The following EXOC6B variants were observed in gnomAD, a reference collection of about 807,000 sequenced individuals.
The protein encoded by EXOC6B is exocyst complex component 6B.
Under a neutral mutation model 113.5 loss-of-function variants are expected in EXOC6B, and 54 were observed. The ratio of observed to expected loss-of-function variants is 0.48; its 90% CI spans 0.38 to 0.60. The LOEUF is 0.60. Among genes scored for constraint, EXOC6B ranks in the 20% least tolerant of loss-of-function variants. The pLI is 0.00. For synonymous variants in EXOC6B, 357 were observed against 339.0 expected (o/e 1.05, Z -0.58); for missense variants, 797 against 977.5 (o/e 0.82, Z 2.46).
rs79015248 is a variant in EXOC6B at position 72,400,140 on chromosome 2, C to T, written c.1981-20270G>A. 4.8e-3 allele frequency among the ~76,000 whole-genome samples: 726 copies of T among 152,196 alleles called. 13 individuals carry two copies. Among genetic ancestry groups the T allele is most frequent in the Admixed American group, 0.039 (594 of 15,284 alleles). On this transcript the variant is annotated intron_variant, in intron 18 of 21. Transcript: ENST00000272427. ...CAGAAATAAAGTCACATATCTATAA[C>T]CAACTGATCTTCAACAAACTCAACA...
intron 18 of EXOC6B, chr2:72,463,005 G>C (rs1318377339): frequency 3.9e-5 from 6 of 152,032 alleles, no homozygotes; most frequent in Non-Finnish European, 7.4e-5. Flanking sequence ...CAAGAATGTA[G>C]CCTGGATGTA....
chr2:72,701,187 A>G (rs778878568), intron 6 of EXOC6B, among the ~76,000 whole-genome samples: 25 of 151,284 alleles, frequency 1.7e-4, no homozygotes, highest in Non-Finnish European at 3.2e-4. Context: ...TACTAAAAAT[A>G]CAAAAATTAG....
chr2:72,201,900 G>C (rs1168365370), intron 20 of EXOC6B, among the ~76,000 whole-genome samples: 2 of 152,148 alleles, frequency 1.3e-5, no homozygotes, highest in Non-Finnish European at 2.9e-5. Context: ...ATTCAGCTAA[G>C]TGCCCACTAC....
rs1462598423 is a variant in EXOC6B, at chr2:72,615,945, C to T, written c.670-40277G>A. Among the ~76,000 whole-genome samples the T allele has an allele frequency of 2.0e-5, 3 of 152,034 alleles. No individual in the cohort carries two copies. In the East Asian group the frequency reaches 5.8e-4, roughly 29 times the overall value. On this transcript the variant is annotated intron_variant, in intron 6 of 21. Transcript: ENST00000272427. ...CCCTATGTAGGCCCATACTAATATA[C>T]ATGTTTGTGTCTTAGGTTTTTAAAA...
chr2:72,185,850 G>A (rs916441258), intron 20 of EXOC6B, among the ~76,000 whole-genome samples: 2 of 150,674 alleles, frequency 1.3e-5, no homozygotes, highest in African/African-American at 4.9e-5. Context: ...CCATTAACTC[G>A]TCATTTACAT....
intron 19 of EXOC6B, among the ~76,000 whole-genome samples, chr2:72,346,435 A>G (rs1328716620): frequency 6.6e-6 from 1 of 152,204 alleles, no homozygotes; most frequent in Non-Finnish European, 1.5e-5. Context: ...TTGTTTTAAG[A>G]GGAATAAACC....
intron 6 of EXOC6B, among the ~76,000 whole-genome samples, chr2:72,702,094 C>T (rs1213795270): frequency 6.0e-5 from 9 of 150,266 alleles, no homozygotes; most frequent in Non-Finnish European, 1.2e-4. Context: ...ACAACAGTCC[C>T]CAGAGTGTGA....
At chr2:72,229,010 T>C (rs56299443) in intron 20 of EXOC6B, among the ~76,000 whole-genome samples, 18,155 of 152,288 alleles carry the variant, frequency 0.12, 1,343 homozygotes, top group Admixed American at 0.16. Context: ...ATTTCTCTGA[T>C]GGCCAGTGAT....
chr2:72,455,827 G>C (rs647269), intron 18 of EXOC6B, among the ~76,000 whole-genome samples: 18,743 of 151,990 alleles, frequency 0.12, 1,303 homozygotes, highest in African/African-American at 0.2. Context: ...CACAGAGAGA[G>C]AGAAAGAAAA....
chr2:72,608,283 A>C (rs909285144), intron 6 of EXOC6B, among the ~76,000 whole-genome samples: 3 of 152,208 alleles, frequency 2.0e-5, no homozygotes, highest in African/African-American at 7.2e-5. Context: ...AACAGAGGCA[A>C]GTTTCAAAAG....
In EXOC6B at chr2:72,825,383, C is replaced by T. The variant is rs749308233; in HGVS notation, c.113+415G>A. 5.3e-5 allele frequency among the ~76,000 whole-genome samples: 8 copies of T among 152,308 alleles called. No individual in the cohort carries two copies. The highest frequency in any genetic ancestry group is 1.3e-4 in the Admixed American group (2 of 15,314). ...CAAGACTTTGATTTCGAGCACTAGACCATGGAGTGAAATTCTGTGTTGTCT... is the reference window on the plus strand; with the variant it reads ...CAAGACTTTGATTTCGAGCACTAGATCATGGAGTGAAATTCTGTGTTGTCT... On this transcript the variant is annotated intron_variant, in intron 1 of 21. Transcript: ENST00000272427. The surrounding 1 kb of genome is among the most constrained non-coding windows in gnomAD (Gnocchi z 4.4).
At chr2:72,434,100 G>A (rs903688044) in intron 18 of EXOC6B, among the ~76,000 whole-genome samples, 1 of 152,144 alleles carries the variant, frequency 6.6e-6, no homozygotes, top group Non-Finnish European at 1.5e-5. Context: ...CTTATTGAGT[G>A]TTTTTAGCAT....
At chr2:72,597,300 A>G (rs1670133937) in intron 6 of EXOC6B, among the ~76,000 whole-genome samples, 1 of 151,786 alleles carries the variant, frequency 6.6e-6, no homozygotes, top group Non-Finnish European at 1.5e-5. Flanking sequence ...ATAAGGAACT[A>G]GAGGGAGGAA....
At chr2:72,753,769 T>C (rs763822955) in intron 1 of EXOC6B, among the ~76,000 whole-genome samples, 1 of 152,160 alleles carries the variant, frequency 6.6e-6, no homozygotes, top group Admixed American at 6.6e-5. Flanking sequence ...TGAAGTTCCT[T>C]GAGTGTAGCA....
chr2:72,763,615 GTT>G (rs1682875233), intron 1 of EXOC6B, among the ~76,000 whole-genome samples: 1 of 151,666 alleles, frequency 6.6e-6, no homozygotes, highest in Non-Finnish European at 1.5e-5. Flanking sequence ...GTAGAGATGG[GTT>G]TTCACCATGT....
intron 20 of EXOC6B, among the ~76,000 whole-genome samples, chr2:72,229,699 G>C (rs943933782): frequency 6.6e-6 from 1 of 152,152 alleles, no homozygotes; most frequent in Non-Finnish European, 1.5e-5. Context: ...AGAGTCACCT[G>C]CAAGAGCAAA....
chr2:72,624,523 T>C (rs1456943171), intron 6 of EXOC6B, among the ~76,000 whole-genome samples: 1 of 152,154 alleles, frequency 6.6e-6, no homozygotes, highest in Non-Finnish European at 1.5e-5. Context: ...AGAGGATCAT[T>C]TGAGACCAGG....
intron 18 of EXOC6B, among the ~76,000 whole-genome samples, chr2:72,435,419 G>T (rs1695793222): frequency 6.6e-6 from 1 of 152,130 alleles, no homozygotes; most frequent in Admixed American, 6.5e-5. Context: ...TGTCTATTAG[G>T]TCTGCTCGGT....
intron 18 of EXOC6B, among the ~76,000 whole-genome samples, chr2:72,387,998 A>G (rs1692151579): frequency 1.3e-5 from 2 of 152,108 alleles, no homozygotes; most frequent in Non-Finnish European, 2.9e-5. Flanking sequence ...ACTGGGGGCA[A>G]TTTTGTTTCC....
Sources: allele counts gnomAD v4.1 joint callset (sites outside exome capture counted in the v4.1 genomes callset), GRCh38; gene constraint gnomAD v4.1.1; non-coding constraint Gnocchi (gnomAD v3.1); transcripts MANE v1.5; gene names NCBI Gene and HGNC (gene_info 2026-07-23, HGNC 2026-07-21).